ELP3: variants seen among roughly 807,000 people sequenced by gnomAD.
The protein encoded by ELP3 is elongator acetyltransferase complex subunit 3.
A neutral mutation model predicts 74.9 loss-of-function variants in ELP3; 56 were observed. That is an observed-to-expected ratio of 0.75 (90% CI 0.60 to 0.93). The LOEUF (loss-of-function observed/expected upper bound fraction) is 0.93. Among genes scored for constraint, ELP3 ranks in the 40% least tolerant of loss-of-function variants. The probability of loss-of-function intolerance (pLI) is 0.00; values close to 1 mark genes in which losing one functional copy is unlikely to be tolerated. For synonymous variants in ELP3, 222 were observed against 239.8 expected, an observed-to-expected ratio of 0.93 and a Z score of 0.68; for missense variants, 573 against 686.5, an observed-to-expected ratio of 0.83 and a Z score of 1.85.
In ELP3 at chr8:28,160,329, T is replaced by C; in HGVS notation, c.1358T>C (p.Leu453Ser). ...GACATTTTGATTGGCCTCCTACGAT[T>C]ACGCAAGTGTTCAGAAGAAACTTTC... The part of the protein sequence containing the change: ...DQDILIGLLR[L>S]RKCSEETFRF... The change falls in exon 13 of 15, where the codon TTA (leucine) becomes TCA (serine). Residue 453 changes from leucine to serine, a missense_variant. Coordinates refer to ENST00000256398, the MANE Select transcript of ELP3 (RefSeq NM_018091.6). The C allele has an allele frequency of 6.2e-7, 1 of 1,614,192 alleles. No individual in the cohort carries two copies. Among genetic ancestry groups the C allele is most frequent in the Non-Finnish European group, 8.5e-7 (1 of 1,180,030 alleles).
At chr8:28,154,115 T>C (rs527398703) in intron 10 of ELP3, among the ~76,000 whole-genome samples, 2 of 152,370 alleles carry the variant, frequency 1.3e-5, no homozygotes, top group East Asian at 3.9e-4. Flanking sequence ...CTTTGAGTTA[T>C]AGCGCTGTCC....
rs142652143 is a variant in ELP3 at position 28,112,694 on chromosome 8, G to C, written c.463-325G>C. ...AATACATGATCAATAAATACTTACT[G>C]TTTTGCAAATTGTATTATATTTGTC... On this transcript the variant is annotated intron_variant, in intron 6 of 14. Coordinates refer to ENST00000256398, the MANE Select transcript of ELP3 (RefSeq NM_018091.6). 8.9e-3 allele frequency: 1,582 copies of C among 178,384 alleles called. 9 individuals are homozygous for C. The highest frequency in any genetic ancestry group is 0.012 in the Non-Finnish European group (1,068 of 85,756). The allele number at this position is 178,384 out of a possible 1,614,324, so 11.1% of individuals were successfully genotyped here. A position where few individuals can be genotyped will look rare whatever the true frequency, so the allele number is the denominator to read the frequency against.
intron 7 of ELP3, among the ~76,000 whole-genome samples, chr8:28,120,396 T>C (rs1812321783): frequency 6.6e-6 from 1 of 152,276 alleles, no homozygotes; most frequent in Non-Finnish European, 1.5e-5. Flanking sequence ...GTGAAGTATC[T>C]ATTAAAATCT....
chr8:28,135,992 C>T (rs375564227), intron 9 of ELP3, among the ~76,000 whole-genome samples: 17 of 146,616 alleles, frequency 1.2e-4, no homozygotes, highest in South Asian at 2.2e-4. Context: ...GATGGAGTCT[C>T]GCTCTGTCAC....
At chr8:28,106,621 C>A in intron 3 of ELP3, 92 bp from the exon 4 acceptor site, 1 of 929,166 alleles carries the variant, frequency 1.1e-6, no homozygotes, top group Non-Finnish European at 1.7e-6. Flanking sequence ...TCTCTGGTTG[C>A]ATTCCTCTCC....
At chr8:28,125,397 A>G (rs1260831382) in intron 7 of ELP3, among the ~76,000 whole-genome samples, 1 of 152,220 alleles carries the variant, frequency 6.6e-6, no homozygotes, top group African/African-American at 2.4e-5. Flanking sequence ...TTCTTGTGAG[A>G]GTTTAAGCAG....
chr8:28,157,307 A>G (rs1055321901), intron 11 of ELP3, among the ~76,000 whole-genome samples: 22 of 148,864 alleles, frequency 1.5e-4, no homozygotes, highest in Admixed American at 6.7e-5. Flanking sequence ...AAAAAAAAAC[A>G]GAAACAGCAT....
At chr8:28,154,881 G>T (rs1029252222) in intron 10 of ELP3, among the ~76,000 whole-genome samples, 11 of 152,162 alleles carry the variant, frequency 7.2e-5, no homozygotes, top group Non-Finnish European at 7.4e-5. Context: ...TTGCCTTAAA[G>T]AATTTTGACT....
chr8:28,186,963 T>C (rs1028184855), intron 14 of ELP3, among the ~76,000 whole-genome samples: 1 of 151,796 alleles, frequency 6.6e-6, no homozygotes, highest in Non-Finnish European at 1.5e-5. Flanking sequence ...AAAATCAGAG[T>C]CTTCAGCATC....
At chr8:28,183,936 T>C (rs78348201) in intron 14 of ELP3, among the ~76,000 whole-genome samples, 2,995 of 152,330 alleles carry the variant, frequency 0.02, 119 homozygotes, top group African/African-American at 0.068. Context: ...CCAGGCAGCC[T>C]GCATGTCAGT....
intron 3 of ELP3, among the ~76,000 whole-genome samples, chr8:28,100,292 C>CT (rs1284798465): frequency 1.3e-5 from 2 of 152,190 alleles, no homozygotes; most frequent in Admixed American, 6.5e-5. Context: ...ATGAAAGGTA[C>CT]TTTTGAAAGG....
chr8:28,165,267 G>A (rs6985761), intron 14 of ELP3, among the ~76,000 whole-genome samples: 13,463 of 152,034 alleles, frequency 0.089, 1,998 homozygotes, highest in African/African-American at 0.31. Flanking sequence ...TAATTAAATT[G>A]TAGGTGGGAC....
chr8:28,178,266 A>G (rs558134399), intron 14 of ELP3, among the ~76,000 whole-genome samples: 1 of 152,246 alleles, frequency 6.6e-6, no homozygotes, highest in East Asian at 1.9e-4. Flanking sequence ...CAACATACGA[A>G]TTTTGTGGGG....
intron 7 of ELP3, among the ~76,000 whole-genome samples, chr8:28,117,758 G>A (rs568418004): frequency 5.9e-5 from 9 of 152,124 alleles, no homozygotes; most frequent in South Asian, 2.1e-4. Flanking sequence ...GATTTGTGGC[G>A]TGTTGTTGCT....
intron 8 of ELP3, among the ~76,000 whole-genome samples, chr8:28,131,694 T>G (rs187469704): frequency 7.9e-5 from 12 of 152,310 alleles, no homozygotes; most frequent in Admixed American, 7.8e-4. Flanking sequence ...AGATGATTTA[T>G]CCACGTGACC....
chr8:28,108,104 G>C (rs1585645460), intron 5 of ELP3, 128 bp downstream of exon 5: 5 of 715,670 alleles, frequency 7.0e-6, no homozygotes, highest in East Asian at 5.5e-5. Context: ...TTTAAAAGCT[G>C]TTCATTCACC....
intron 14 of ELP3, among the ~76,000 whole-genome samples, chr8:28,162,653 G>A (rs1814149895): frequency 6.6e-6 from 1 of 152,188 alleles, no homozygotes; most frequent in Admixed American, 6.5e-5. Context: ...CAGGGGAAAA[G>A]CATACACATT....
intron 14 of ELP3, among the ~76,000 whole-genome samples, chr8:28,162,446 AT>A (rs1814139224): frequency 6.6e-6 from 1 of 152,200 alleles, no homozygotes; most frequent in Non-Finnish European, 1.5e-5. Context: ...GATTATCACT[AT>A]TGTTCAGAAA....
intron 7 of ELP3, among the ~76,000 whole-genome samples, chr8:28,117,883 G>GAA (rs1812200826): frequency 3.9e-5 from 6 of 152,204 alleles, no homozygotes; most frequent in African/African-American, 1.2e-4. Flanking sequence ...ACTAGAGACA[G>GAA]AAAGTATTTT....
Sources: allele counts gnomAD v4.1 joint callset (sites outside exome capture counted in the v4.1 genomes callset), GRCh38; gene constraint gnomAD v4.1.1; transcripts MANE v1.5; gene names NCBI Gene and HGNC (gene_info 2026-07-23, HGNC 2026-07-21).